PLD1: variants seen among roughly 807,000 people sequenced by gnomAD.
The protein encoded by PLD1 is phospholipase D1, also known as choline phosphatase 1.
Under a neutral mutation model 137.1 loss-of-function variants are expected in PLD1, and 112 were observed. The observed-to-expected ratio is 0.82, with a 90% CI of 0.70 to 0.96. The LOEUF (loss-of-function observed/expected upper bound fraction) is 0.96, where lower values mean the gene tolerates loss of function less well. PLD1 is among the 40% of genes least tolerant of loss of function. The probability of loss-of-function intolerance (pLI) is 0.00; values close to 1 mark genes in which losing one functional copy is unlikely to be tolerated. For synonymous variants in PLD1, 431 were observed against 454.7 expected, an observed-to-expected ratio of 0.95 and a Z score of 0.66; for missense variants, 1,321 against 1,342.0, an observed-to-expected ratio of 0.98 and a Z score of 0.24.
At chr3:171,697,448 A>C in intron 12 of PLD1, among the ~76,000 whole-genome samples, 1 of 151,484 alleles carries the variant, frequency 6.6e-6, no homozygotes, top group South Asian at 2.1e-4. Context: ...GGTCCGACAC[A>C]TTATTTTGAT....
At chr3:171,662,471 G>T (rs1711599810) in intron 19 of PLD1, among the ~76,000 whole-genome samples, 2 of 152,090 alleles carry the variant, frequency 1.3e-5, no homozygotes, top group African/African-American at 4.8e-5. Flanking sequence ...CACAAATTGT[G>T]GTTTCTACAA....
chr3:171,643,835 C>T (rs1385202920), intron 22 of PLD1, among the ~76,000 whole-genome samples: 1 of 152,048 alleles, frequency 6.6e-6, no homozygotes, highest in Admixed American at 6.5e-5. Context: ...CTCTCTTGTA[C>T]TGTAACTAGG....
intron 21 of PLD1, among the ~76,000 whole-genome samples, chr3:171,650,085 G>T (rs1166294379): frequency 6.6e-6 from 1 of 152,164 alleles, no homozygotes; most frequent in Non-Finnish European, 1.5e-5. Context: ...TTGCTCCCGG[G>T]GTGGCACTCT....
chr3:171,731,443 T>C (rs548950389), intron 6 of PLD1, among the ~76,000 whole-genome samples: 2 of 152,300 alleles, frequency 1.3e-5, no homozygotes, highest in East Asian at 3.9e-4. Context: ...TTGAATCATA[T>C]TGAACAATTC....
In PLD1 at chr3:171,646,238, G is replaced by A. The variant is rs78327953; in HGVS notation, c.2430-1215C>T. Among the ~76,000 whole-genome samples, 120 of 152,292 alleles carry A rather than the reference G, an allele frequency of 7.9e-4. 1 individual carries two copies. The highest frequency in any genetic ancestry group is 2.8e-3 in the African/African-American group (115 of 41,562). On this transcript the variant is annotated intron_variant, in intron 21 of 26. Transcript: ENST00000351298. ...TCAATGAATCTCGCTGGGATATCCG[G>A]GAGGACTATATTCACACAAAGGTGT...
chr3:171,624,480 C>T (rs112066277), intron 23 of PLD1, among the ~76,000 whole-genome samples: 12,050 of 152,044 alleles, frequency 0.079, 1,353 homozygotes, highest in African/African-American at 0.25. Context: ...AACAAAGCTA[C>T]CTATGTGTTT....
Position 171,602,861 on chromosome 3 carries a change from C to T in PLD1, c.*217G>A. The T allele has an allele frequency of 1.8e-6, 1 of 566,732 alleles. No individual in the cohort carries two copies. The highest frequency in any genetic ancestry group is 2.3e-5 in the South Asian group (1 of 43,322). The allele number at this position is 566,732 out of a possible 1,614,324, so 35.1% of individuals were successfully genotyped here. On this transcript the variant is annotated 3_prime_UTR_variant, in exon 27 of 27. Coordinates refer to ENST00000351298, the MANE Select transcript of PLD1 (RefSeq NM_002662.5). ...ACATGCTACCAACAAGAATGCAGCC[C>T]CCTTTTTACAAGTTAGGCAGAAGGA...
intron 1 of PLD1, among the ~76,000 whole-genome samples, chr3:171,799,902 G>T (rs1347149615): frequency 1.3e-5 from 1 of 75,674 alleles, no homozygotes; most frequent in Non-Finnish European, 3.1e-5. Context: ...AACTATCAAG[G>T]TCATCAAAAA....
Position 171,620,335 on chromosome 3 carries a change from G to A in PLD1, c.2728+51C>T, listed in dbSNP as rs146077689. 1.0e-3 allele frequency: 1,431 copies of A among 1,381,964 alleles called. 11 individuals carry two copies. In the African/African-American group the frequency reaches 0.019, roughly 18 times the overall value. The allele number at this position is 1,381,964 out of a possible 1,614,324, so 85.6% of individuals were successfully genotyped here. A position where few individuals can be genotyped will look rare whatever the true frequency, so the allele number is the denominator to read the frequency against. On this transcript the variant is annotated intron_variant, in intron 24 of 26. Coordinates refer to ENST00000351298, the MANE Select transcript of PLD1 (RefSeq NM_002662.5). ...GAATAGCAGCAAACATTTTTGCATGGGGTAAGTCAACTGGCAAGGAATACA... is the reference window on the plus strand; with the variant it reads ...GAATAGCAGCAAACATTTTTGCATGAGGTAAGTCAACTGGCAAGGAATACA...
Position 171,710,872 on chromosome 3 carries a change from C to CTTTTTTTTTTT in PLD1, c.912-1174_912-1164dup, listed in dbSNP as rs774704143. 6.5e-4 allele frequency among the ~76,000 whole-genome samples: 64 copies of CTTTTTTTTTTT among 98,562 alleles called. 2 individuals are homozygous for CTTTTTTTTTTT. Among genetic ancestry groups the CTTTTTTTTTTT allele is most frequent in the South Asian group, 2.9e-3 (9 of 3,102 alleles). The allele number at this position is 98,562 out of a possible 152,430, so 64.7% of individuals were successfully genotyped here. On this transcript the variant is annotated intron_variant, in intron 9 of 26. Coordinates refer to ENST00000351298, the MANE Select transcript of PLD1 (RefSeq NM_002662.5). ...TTTCACTAATCATAGGAAAACTGTTCTTTTTTTTTTTTTTTTTTTGAGACG... is the reference window on the plus strand; with the variant it reads ...TTTCACTAATCATAGGAAAACTGTTCTTTTTTTTTTTTTTTTTTTTTTTTTTTTTTGAGACG...
chr3:171,639,310 A>G (rs1164642610), intron 23 of PLD1, among the ~76,000 whole-genome samples: 1 of 137,786 alleles, frequency 7.3e-6, no homozygotes, highest in African/African-American at 2.7e-5. Context: ...TATATCATAT[A>G]TTATCTATAT....
In PLD1 at chr3:171,687,519, T is replaced by G; in HGVS notation, c.1605A>C (p.Leu535=). Residue 535 remains leucine (L), a synonymous_variant, in exon 15 of 27, where the codon CTA becomes CTC. Coordinates refer to ENST00000351298, the MANE Select transcript of PLD1 (RefSeq NM_002662.5). ...LKDKNEPVQN[L]PIQKSIDDVD... is the part of the protein sequence containing the mutation. Reference sequence around the variant, plus strand: ...CATCATCAATACTCTTCTGGATGGGTAGGTTTTGAACAGGCTCATTTTTAT... The same window carrying G: ...CATCATCAATACTCTTCTGGATGGGGAGGTTTTGAACAGGCTCATTTTTAT... 6.2e-7 allele frequency: 1 copy of G among 1,613,990 alleles called. No homozygotes were observed. The highest frequency in any genetic ancestry group is 8.5e-7 in the Non-Finnish European group (1 of 1,179,890).
At chr3:171,799,944 G>A (rs543950639) in intron 1 of PLD1, among the ~76,000 whole-genome samples, 21 of 152,248 alleles carry the variant, frequency 1.4e-4, no homozygotes, top group African/African-American at 4.6e-4. Flanking sequence ...TGATAACCAA[G>A]GGAGCCCAAG....
chr3:171,674,432 C>A, intron 19 of PLD1, 68 bp downstream of exon 19: 3 of 745,478 alleles, frequency 4.0e-6, no homozygotes, highest in South Asian at 3.8e-5. Flanking sequence ...TGTAATAGGC[C>A]CTTGGTCCAA....
chr3:171,603,111 T>G lies in PLD1; in HGVS notation c.3192A>C (p.Lys1064Asn). Residue 1064 changes from lysine to asparagine, a missense_variant, in exon 27 of 27, where the codon AAA becomes AAC. Coordinates refer to ENST00000351298, the MANE Select transcript of PLD1 (RefSeq NM_002662.5). ...EESLLPSVGT[K>N]EAIVPMEVWT Reference sequence around the variant, plus strand: ...AAACCTCCATGGGCACTATGGCCTCTTTGGTCCCAACAGAAGGCAGTAGGC... The same window carrying G: ...AAACCTCCATGGGCACTATGGCCTCGTTGGTCCCAACAGAAGGCAGTAGGC... 6.2e-7 allele frequency: 1 copy of G among 1,614,002 alleles called. No individual in the cohort carries two copies. The highest frequency in any genetic ancestry group is 8.5e-7 in the Non-Finnish European group (1 of 1,179,964).
intron 19 of PLD1, among the ~76,000 whole-genome samples, chr3:171,672,783 T>C (rs1712915556): frequency 6.6e-6 from 1 of 152,018 alleles, no homozygotes; most frequent in Admixed American, 6.6e-5. Flanking sequence ...CCACACCCAC[T>C]CTAGTGTCAT....
rs1165940755 is a variant in PLD1 at position 171,716,963 on chromosome 3, G to T, written c.759-2918C>A. 5.9e-5 allele frequency among the ~76,000 whole-genome samples: 9 copies of T among 152,180 alleles called. No individual in the cohort carries two copies. In the South Asian group the frequency reaches 1.0e-3, roughly 18 times the overall value. On this transcript the variant is annotated intron_variant, in intron 8 of 26. Transcript: ENST00000351298. Reference sequence around the variant, plus strand: ...CCCAGCATCATTTATTAAGGAGGAAGTCCTTTTCCCATTGCTTGTTTTTGT... The same window carrying T: ...CCCAGCATCATTTATTAAGGAGGAATTCCTTTTCCCATTGCTTGTTTTTGT...
intron 1 of PLD1, among the ~76,000 whole-genome samples, chr3:171,758,217 G>C (rs1721158746): frequency 6.6e-6 from 1 of 152,066 alleles, no homozygotes; most frequent in Admixed American, 6.6e-5. Context: ...CATATTATTT[G>C]CATGTCATAA....
intron 1 of PLD1, among the ~76,000 whole-genome samples, chr3:171,746,384 G>A (rs1720180587): frequency 6.6e-6 from 1 of 152,244 alleles, no homozygotes; most frequent in Admixed American, 6.5e-5. Context: ...CTAGCTGGAG[G>A]ATCCTATATG....
Sources: allele counts gnomAD v4.1 joint callset (sites outside exome capture counted in the v4.1 genomes callset), GRCh38; gene constraint gnomAD v4.1.1; transcripts MANE v1.5; gene names NCBI Gene and HGNC (gene_info 2026-07-23, HGNC 2026-07-21).